Variants in IL7 observed in about 807,000 individuals in gnomAD.
IL7 encodes interleukin 7.
In IL7, 3 loss-of-function variants were observed where a neutral mutation model predicts 21.6. That is an observed-to-expected ratio of 0.14 (90% CI 0.06 to 0.36). The LOEUF (loss-of-function observed/expected upper bound fraction) is 0.36. Ranked by LOEUF, IL7 falls within the 10% of genes least tolerant of loss-of-function variation. The pLI, the probability that IL7 is intolerant of heterozygous loss-of-function variation, is 1.00. For synonymous variants in IL7, 62 were observed against 68.1 expected (o/e 0.91, Z 0.44); for missense variants, 175 against 200.2 (o/e 0.87, Z 0.76).
At chr8:78,738,383 A>G in intron 4 of IL7, 121 bp downstream of exon 4, 2 of 814,886 alleles carry the variant, frequency 2.5e-6, no homozygotes, top group South Asian at 4.9e-5. Flanking sequence ...ACATACTTCA[A>G]CTTTAGATGA....
intron 4 of IL7, among the ~76,000 whole-genome samples, chr8:78,679,653 C>T (rs1809700907): frequency 6.6e-6 from 1 of 152,102 alleles, no homozygotes; most frequent in African/African-American, 2.4e-5. Flanking sequence ...AGCATCATTT[C>T]AGTGAAGTGA....
In IL7 at chr8:78,772,646, A is replaced by G. The variant is rs200189867; in HGVS notation, c.147+25426T>C. Among the ~76,000 whole-genome samples, 31 of 152,306 alleles carry G rather than the reference A, an allele frequency of 2.0e-4. No individual in the cohort carries two copies. In the East Asian group the frequency reaches 4.2e-3, roughly 21 times the overall value. ...AATTTTACCGTAGGTTAATTGATAT[A>G]AAAAAGAGTTAAGATCCTGTGGCAT... is the stretch of plus-strand genomic sequence containing the variant. On this transcript the variant is annotated intron_variant, in intron 2 of 5. Coordinates refer to ENST00000263851, the MANE Select transcript of IL7 (RefSeq NM_000880.4).
chr8:78,731,134 A>G (rs1039279437), downstream of IL7, among the ~76,000 whole-genome samples: 6 of 152,038 alleles, frequency 3.9e-5, no homozygotes, highest in African/African-American at 9.7e-5. Flanking sequence ...TTGGCTGTCA[A>G]TGAAAGTATG....
intron 3 of IL7, among the ~76,000 whole-genome samples, chr8:78,690,865 T>G (rs1037951070): frequency 4.6e-5 from 7 of 152,300 alleles, no homozygotes; most frequent in African/African-American, 1.4e-4. Context: ...AATGGAATTT[T>G]ATTTTATTTC....
chr8:78,729,802 G>T (rs1811393038), downstream of IL7, among the ~76,000 whole-genome samples: 1 of 151,886 alleles, frequency 6.6e-6, no homozygotes. Flanking sequence ...AAAGTTTTAG[G>T]TTAAAGTTCT....
At chr8:78,687,931 C>A (rs1408739505) in intron 3 of IL7, among the ~76,000 whole-genome samples, 1 of 137,392 alleles carries the variant, frequency 7.3e-6, no homozygotes, top group Admixed American at 7.7e-5. Flanking sequence ...TTATTTATAT[C>A]TATATTTTTA....
At chr8:78,749,506 G>C (rs1331823211) in intron 2 of IL7, among the ~76,000 whole-genome samples, 1 of 152,096 alleles carries the variant, frequency 6.6e-6, no homozygotes, top group Non-Finnish European at 1.5e-5. Context: ...TAGAGAAACA[G>C]ATAGAACCAC....
At chr8:78,762,556 G>A (rs1812609214) in intron 2 of IL7, 6 of 439,004 alleles carry the variant, frequency 1.4e-5, no homozygotes. Flanking sequence ...GACGCGCGGG[G>A]GAGGGGCGGG....
At chr8:78,682,848 C>T (rs1394828735) in intron 4 of IL7, among the ~76,000 whole-genome samples, 2 of 152,130 alleles carry the variant, frequency 1.3e-5, no homozygotes, top group African/African-American at 2.4e-5. Flanking sequence ...TTCCTAGATA[C>T]AATAGGGATA....
At chr8:78,677,648 C>CTT (rs76888359) in intron 4 of IL7, among the ~76,000 whole-genome samples, 23 of 148,068 alleles carry the variant, frequency 1.6e-4, no homozygotes, top group Admixed American at 1.5e-3. Context: ...TTAGTGGAGA[C>CTT]TTTTTTTTTT....
chr8:78,703,613 T>G (rs1365290801), intron 3 of IL7, among the ~76,000 whole-genome samples: 1 of 152,040 alleles, frequency 6.6e-6, no homozygotes, highest in Non-Finnish European at 1.5e-5. Context: ...CCTGCTTTTT[T>G]CTGTTTTCCA....
At chr8:78,731,021 C>G (rs755335801), downstream of IL7, among the ~76,000 whole-genome samples, 1 of 151,692 alleles carries the variant, frequency 6.6e-6, no homozygotes, top group Non-Finnish European at 1.5e-5. Flanking sequence ...GAAGATTGCC[C>G]GTACAGAACA....
chr8:78,796,184 C>G (rs1241521890), intron 2 of IL7, among the ~76,000 whole-genome samples: 1 of 151,958 alleles, frequency 6.6e-6, no homozygotes, highest in East Asian at 1.9e-4. Context: ...TCCTAATAAT[C>G]AACAACAGAC....
chr8:78,761,597 G>A, intron 2 of IL7: 1 of 1,611,924 alleles, frequency 6.2e-7, no homozygotes, highest in Non-Finnish European at 8.5e-7. Flanking sequence ...CACCAACACA[G>A]GTAGGTGCTC....
rs570638788 is a variant in IL7 at position 78,695,134 on chromosome 8, G to A, written n.215-9187C>T. ...ATAATGTTTTAAACAAGCAGTTTTC[G>A]GAAAGGAAACTAACCTGACTAGTTC... On this transcript the variant is annotated intron_variant and non_coding_transcript_variant, in intron 3 of 4. Coordinates refer to the IL7 transcript ENST00000523959. Among the ~76,000 whole-genome samples the A allele has an allele frequency of 2.8e-4, 42 of 152,198 alleles. No homozygotes were observed. In the East Asian group the frequency reaches 6.2e-3, roughly 22 times the overall value.
chr8:78,709,695 G>A (rs1008573621), intron 3 of IL7, among the ~76,000 whole-genome samples: 7 of 149,042 alleles, frequency 4.7e-5, no homozygotes, highest in East Asian at 1.9e-4. Flanking sequence ...TAAAATACAC[G>A]AACGCTAATG....
At chr8:78,744,890 C>T (rs1380660390) in intron 2 of IL7, among the ~76,000 whole-genome samples, 1 of 152,136 alleles carries the variant, frequency 6.6e-6, no homozygotes, top group South Asian at 2.1e-4. Context: ...ATTCACTCAC[C>T]GATTCTCTGG....
At chr8:78,735,276 C>CTTTTTTTTTTTTTTTTTTTTTTTTT in intron 5 of IL7, among the ~76,000 whole-genome samples, 105 of 78,436 alleles carry the variant, frequency 1.3e-3, no homozygotes, top group South Asian at 2.1e-3. Flanking sequence ...CTTTTCTTTT[C>CTTTTTTTTTTTTTTTTTTTTTTTTT]TTTTTTTTTT....
chr8:78,702,378 C>T (rs1249027537), intron 3 of IL7, among the ~76,000 whole-genome samples: 2 of 152,022 alleles, frequency 1.3e-5, no homozygotes, highest in Non-Finnish European at 2.9e-5. Context: ...TTTAGTGTAG[C>T]TAGCAGCCTA....
Sources: allele counts gnomAD v4.1 joint callset (sites outside exome capture counted in the v4.1 genomes callset), GRCh38; gene constraint gnomAD v4.1.1; transcripts MANE v1.5; gene names NCBI Gene and HGNC (gene_info 2026-07-23, HGNC 2026-07-21).